MUC6: variants seen among roughly 807,000 people sequenced by gnomAD.
The protein encoded by MUC6 is mucin 6, oligomeric mucus/gel-forming (gene/pseudogene).
MUC6 carries 188 observed loss-of-function variants against 201.5 expected under a neutral mutation model. That is an observed-to-expected ratio of 0.93 (90% CI 0.83 to 1.05). MUC6 has a LOEUF of 1.05. Ranked by LOEUF, MUC6 falls within the 50% of genes least tolerant of loss-of-function variation. MUC6 has a pLI of 0.00. For missense variants in MUC6, 2,706 were observed against 3,256.9 expected (o/e 0.83, Z 4.12); for synonymous variants, 1,228 against 1,389.4 (o/e 0.88, Z 2.58).
In MUC6 at chr11:1,020,096, A is replaced by C; in HGVS notation, c.3802T>G (p.Ser1268Ala). ...TLTSSKPTAS[S>A]GEPPRPTTAV... is the part of the protein sequence containing the mutation. ...TCAGCTGGAGGCTCCTTACCTCCCG[A>C]GGAGGCTGTGGGCTTGGAGGATGTG... Residue 1268 changes from serine (S) to alanine (A), a missense_variant, in exon 29 of 33, where the codon TCG becomes GCG. By Grantham distance (99) the Ser-to-Ala change is moderately conservative. Around this residue, in one of 10 missense-constraint regions of MUC6, gnomAD observed 1,850 missense variants for 1,958.3 expected, o/e 0.94. Transcript: ENST00000421673. The C allele has an allele frequency of 2.5e-6, 4 of 1,613,204 alleles. No individual in the cohort carries two copies. The highest frequency in any genetic ancestry group is 3.4e-6 in the Non-Finnish European group (4 of 1,179,784).
intron 28 of MUC6, 146 bp from the exon 29 acceptor site, chr11:1,020,403 G>A: frequency 1.7e-6 from 2 of 1,168,536 alleles, no homozygotes; most frequent in South Asian, 1.6e-5. Context: ...GGCACTCTGA[G>A]TGCAGCCTGG....
chr11:1,015,477 C>T (rs995628108), intron 31 of MUC6, among the ~76,000 whole-genome samples: 4 of 151,992 alleles, frequency 2.6e-5, no homozygotes, highest in Admixed American at 2.0e-4. Context: ...GCCAGGAGTG[C>T]AGCAGTGACC....
chr11:1,027,539 G>A (rs776992142), intron 16 of MUC6, 22 bp from the exon 17 acceptor site: 3 of 1,611,286 alleles, frequency 1.9e-6, no homozygotes, highest in South Asian at 2.2e-5. Flanking sequence ...CCGGGCATCA[G>A]ACTCTCCGGG....
In MUC6 at chr11:1,027,351, C is replaced by CA; in HGVS notation, c.2147dup (p.Arg717AlafsTer52). 6.2e-7 allele frequency: 1 copy of CA among 1,613,012 alleles called. No individual in the cohort carries two copies. The highest frequency in any genetic ancestry group is 8.5e-7 in the Non-Finnish European group (1 of 1,179,846). ...GTATGCACGGGCACTGGGCCTTGCG[C>CA]ACACACTCGCCCTTTTGGTTCAGGT... is the stretch of plus-strand genomic sequence containing the variant. On this transcript the variant is annotated frameshift_variant, in exon 17 of 33. Transcript: ENST00000421673. LOFTEE classifies it high-confidence loss of function.
At chr11:1,019,618 G>C in intron 29 of MUC6, 122 bp from the exon 30 acceptor site, 1 of 876,800 alleles carries the variant, frequency 1.1e-6, no homozygotes, top group Non-Finnish European at 1.8e-6. Context: ...CAGCCTCCTT[G>C]GAGGGGCTCT....
rs115065817 is a variant in MUC6, at chr11:1,029,386, T to C, written c.1137-20A>G. On this transcript the variant is annotated intron_variant, in intron 9 of 32. Transcript: ENST00000421673. ...CACCGGCTGTGGGTGGGCGTGGGGG[T>C]AGCGGCATGGTGGGCAGGGCCGCTG... 6,392 of 1,593,252 alleles carry C rather than the reference T, an allele frequency of 4.0e-3. 245 individuals are homozygous for C. The African/African-American group carries it at 0.075, about 19-fold the overall frequency.
chr11:1,019,967 C>T (rs1856770228), intron 29 of MUC6, 123 bp downstream of exon 29: 1 of 1,288,636 alleles, frequency 7.8e-7, no homozygotes, highest in Non-Finnish European at 1.1e-6. Context: ...AAGTTCTACG[C>T]TGGGAATCTG....
At position 1,025,920 on chromosome 11, in the gene MUC6, A is replaced by G. The variant is rs1423808357; in HGVS notation, c.2689-5T>C. The G allele has an allele frequency of 6.2e-7, 1 of 1,607,666 alleles. No individual in the cohort carries two copies. The highest frequency in any genetic ancestry group is 1.1e-5 in the South Asian group (1 of 89,942). On this transcript the variant is annotated splice_region_variant and splice_polypyrimidine_tract_variant and intron_variant, in intron 21 of 32. Coordinates refer to ENST00000421673, the MANE Select transcript of MUC6 (RefSeq NM_005961.3). Reference sequence around the variant, plus strand: ...GTCGTTGACACCACAGACGTCCTGCAGGGAGAGGGCGCTGAGGAGGAGCCC... The same window carrying G: ...GTCGTTGACACCACAGACGTCCTGCGGGGAGAGGGCGCTGAGGAGGAGCCC...
At chr11:1,028,623 C>CA in intron 13 of MUC6, 23 bp downstream of exon 13, 1 of 1,602,296 alleles carries the variant, frequency 6.2e-7, no homozygotes, top group Non-Finnish European at 8.5e-7. Context: ...GCAACAGGGC[C>CA]ACCTGGAGAG....
rs201594301 is a variant in MUC6, at chr11:1,018,134, G to A, written c.4667C>T (p.Thr1556Ile). Residue 1556 changes from threonine to isoleucine, a missense_variant, in exon 31 of 33, where the codon ACC becomes ATC. Physicochemically the swap from Thr to Ile is moderately conservative, Grantham distance 89. This residue lies in a region of MUC6 where 128 missense variants were observed against 206.5 expected (regional missense o/e 0.62). Coordinates refer to ENST00000421673, the MANE Select transcript of MUC6 (RefSeq NM_005961.3). ...GGCTGAGTTGGTGTGGGCCACAGGG[G>A]TTCTGGTGCGTGTACTAGTGGGGTT... Reference protein sequence around the residue: ...TPNPTSTRTRTPVAHTNSATS... With the variant: ...TPNPTSTRTRIPVAHTNSATS... 2.5e-6 allele frequency: 4 copies of A among 1,588,674 alleles called. No homozygotes were observed. Among genetic ancestry groups the A allele is most frequent in the Non-Finnish European group, 1.7e-6 (2 of 1,160,532 alleles).
intron 1 of MUC6, among the ~76,000 whole-genome samples, chr11:1,036,180 GCC>G (rs58919882): frequency 0.14 from 21,399 of 152,052 alleles, 2,363 homozygotes; most frequent in African/African-American, 0.31. Context: ...GAGGCCCAGG[GCC>G]CAGCAGAGAC....
intron 26 of MUC6, 50 bp downstream of exon 26, chr11:1,023,459 A>G: frequency 6.5e-7 from 1 of 1,537,124 alleles, no homozygotes; most frequent in Non-Finnish European, 8.8e-7. Context: ...TGCATGAATG[A>G]GTGAATGGGT....
intron 29 of MUC6, 28 bp downstream of exon 29, chr11:1,020,062 T>C: frequency 1.2e-6 from 2 of 1,610,800 alleles, no homozygotes; most frequent in Non-Finnish European, 8.5e-7. Flanking sequence ...AGCTGCCCTC[T>C]CCATGGGCTC....
In MUC6 at chr11:1,025,931, G is replaced by A. The variant is rs558772711; in HGVS notation, c.2689-16C>T. The A allele has an allele frequency of 3.4e-5, 55 of 1,602,952 alleles. No homozygotes were observed. In the Admixed American group the frequency reaches 3.9e-4, roughly 11 times the overall value. ...CACAGACGTCCTGCAGGGAGAGGGC[G>A]CTGAGGAGGAGCCCTGGAGGCCGTG... On this transcript the variant is annotated splice_polypyrimidine_tract_variant and intron_variant, in intron 21 of 32. Transcript: ENST00000421673.
chr11:1,028,545 G>A, intron 13 of MUC6, 101 bp downstream of exon 13: 1 of 1,544,406 alleles, frequency 6.5e-7, no homozygotes, highest in South Asian at 1.2e-5. Context: ...CCCGGACACA[G>A]AGGGTTGTGT....
rs985047697 is a variant in MUC6, at chr11:1,014,136, C to T, written c.7040-135G>A. 38 of 710,332 alleles carry T rather than the reference C, an allele frequency of 5.3e-5. No individual in the cohort carries two copies. The African/African-American group carries it at 5.5e-4, about 10-fold the overall frequency. 44.0% of individuals were successfully genotyped at this position (710,332 alleles called of 1,614,324 possible). On this transcript the variant is annotated intron_variant, in intron 31 of 32. Transcript: ENST00000421673. ...CAAGGTGTGGTCTCCCCTTGTGGAGCCCCACAGAGCTCAGACCTCAGCCAT... is the reference window on the plus strand; with the variant it reads ...CAAGGTGTGGTCTCCCCTTGTGGAGTCCCACAGAGCTCAGACCTCAGCCAT...
In MUC6 at chr11:1,028,285, C is replaced by T. The variant is rs1189335591; in HGVS notation, c.1694G>A (p.Gly565Glu). The T allele has an allele frequency of 6.2e-7, 1 of 1,606,506 alleles. No individual in the cohort carries two copies. Among genetic ancestry groups the T allele is most frequent in the Non-Finnish European group, 8.5e-7 (1 of 1,177,370 alleles). Residue 565 changes from glycine (G) to glutamate (E), a missense_variant, in exon 14 of 33, where the codon GGG (glycine) becomes GAG (glutamate). By Grantham distance (98) the Gly-to-Glu change is moderately conservative. Transcript: ENST00000421673. ...ASLFVDSWRA[G>E]NCPAALERET... Reference sequence around the variant, plus strand: ...ACGCTCCAGAGCGGCCGGACAGTTCCCCGCCCGCCAGGAGTCCACAAACAG... The same window carrying T: ...ACGCTCCAGAGCGGCCGGACAGTTCTCCGCCCGCCAGGAGTCCACAAACAG...
chr11:1,029,181 G>A, intron 10 of MUC6, 31 bp from the exon 11 acceptor site: 1 of 1,606,200 alleles, frequency 6.2e-7, no homozygotes, highest in South Asian at 1.1e-5. Context: ...GACACGGGTG[G>A]GGTCACCGGG....
Position 1,013,638 on chromosome 11 carries a change from C to T in MUC6, c.7143-5G>A, listed in dbSNP as rs967815046. 21 of 1,557,652 alleles carry T rather than the reference C, an allele frequency of 1.3e-5. No homozygotes were observed. Among genetic ancestry groups the T allele is most frequent in the East Asian group, 7.2e-5 (3 of 41,454 alleles). ...TGCTGGGTGATGATGTTGAAGCTGC[C>T]GAGAAGTCAAGACAGAGCAGGGTCA... On this transcript the variant is annotated splice_region_variant and splice_polypyrimidine_tract_variant and intron_variant, in intron 32 of 32. Transcript: ENST00000421673.
Sources: gnomAD v4.1 joint callset for allele counts (sites outside exome capture counted in the v4.1 genomes callset) on GRCh38, gnomAD v4.1.1 for gene constraint, gnomAD v4.1.1 regional missense constraint, MANE v1.5 for transcripts, NCBI Gene and HGNC (gene_info 2026-07-23, HGNC 2026-07-21) for gene names.